EML6: variants seen among roughly 807,000 people sequenced by gnomAD.
EML6 encodes EMAP like 6.
Under a neutral mutation model 240.1 loss-of-function variants are expected in EML6, and 154 were observed. The observed-to-expected ratio is 0.64, with a 90% CI of 0.56 to 0.73. EML6 has a LOEUF of 0.73. Ranked by LOEUF, EML6 falls within the 30% of genes least tolerant of loss-of-function variation. EML6 has a pLI of 0.00. For synonymous variants in EML6, 1,148 were observed against 899.0 expected (o/e 1.28, Z -4.95); for missense variants, 2,964 against 2,474.6 (o/e 1.20, Z -4.20).
At chr2:54,859,439 G>T (rs926512428) in intron 11 of EML6, 95 bp from the exon 12 acceptor site, 4 of 940,436 alleles carry the variant, frequency 4.3e-6, no homozygotes, top group African/African-American at 3.4e-5. Flanking sequence ...TATATTTAAA[G>T]ATTTTACTCT....
chr2:54,850,716 G>C (rs1443460682), intron 10 of EML6, among the ~76,000 whole-genome samples: 2 of 152,196 alleles, frequency 1.3e-5, no homozygotes, highest in Non-Finnish European at 2.9e-5. Context: ...CGAGAAGAGG[G>C]GAAATGGAAA....
At chr2:54,836,283 G>C (rs1375214259) in intron 7 of EML6, among the ~76,000 whole-genome samples, 2 of 152,154 alleles carry the variant, frequency 1.3e-5, no homozygotes, top group Non-Finnish European at 2.9e-5. Context: ...GCCTGGGTGG[G>C]TTTCCTCCCT....
chr2:54,877,749 T>A (rs1268295488), intron 16 of EML6, among the ~76,000 whole-genome samples: 2 of 152,368 alleles, frequency 1.3e-5, no homozygotes, highest in Middle Eastern at 3.4e-3. Flanking sequence ...TTAAGGAAAG[T>A]GTTAACGTCT....
chr2:54,889,735 C>T (rs1304545378), intron 17 of EML6, among the ~76,000 whole-genome samples: 2 of 152,104 alleles, frequency 1.3e-5, no homozygotes, highest in Non-Finnish European at 2.9e-5. Flanking sequence ...AGTTTTAGCT[C>T]TTCCATTCCA....
At chr2:54,832,639 A>C (rs1260715581) in intron 7 of EML6, among the ~76,000 whole-genome samples, 1 of 152,200 alleles carries the variant, frequency 6.6e-6, no homozygotes, top group African/African-American at 2.4e-5. Flanking sequence ...GGTTGTTTCA[A>C]CATTAGCAAA....
chr2:54,789,623 T>C (rs1669317551), intron 2 of EML6, among the ~76,000 whole-genome samples: 1 of 151,756 alleles, frequency 6.6e-6, no homozygotes, highest in African/African-American at 2.4e-5. Context: ...TCCGTACTTG[T>C]ATTGGTTTTC....
At chr2:54,828,346 GCT>G (rs1034812407) in intron 6 of EML6, among the ~76,000 whole-genome samples, 1 of 152,170 alleles carries the variant, frequency 6.6e-6, no homozygotes, top group African/African-American at 2.4e-5. Flanking sequence ...TTACCACTCT[GCT>G]CTCTTTTTTG....
chr2:54,822,970 G>A (rs1352314877), intron 5 of EML6, among the ~76,000 whole-genome samples: 1 of 152,056 alleles, frequency 6.6e-6, no homozygotes, highest in Non-Finnish European at 1.5e-5. Flanking sequence ...TTTTAATCTA[G>A]GAAAACATCA....
chr2:54,909,850 C>CAA (rs34171697), intron 24 of EML6, among the ~76,000 whole-genome samples: 216 of 67,808 alleles, frequency 3.2e-3, no homozygotes, highest in Non-Finnish European at 4.0e-3. Flanking sequence ...GACTCCATCT[C>CAA]AAAAAAAAAA....
intron 17 of EML6, among the ~76,000 whole-genome samples, chr2:54,889,333 C>T (rs1672330733): frequency 6.6e-6 from 1 of 151,936 alleles, no homozygotes; most frequent in Admixed American, 6.6e-5. Context: ...AGATTAAACA[C>T]ACACACACCC....
Position 54,964,021 on chromosome 2 carries a change from C to T in EML6, c.5193C>T (p.Ala1731=). 3 of 1,551,508 alleles carry T rather than the reference C, an allele frequency of 1.9e-6. No individual in the cohort carries two copies. The highest frequency in any genetic ancestry group is 2.6e-6 in the Non-Finnish European group (3 of 1,146,920). The change falls in exon 37 of 42, where the codon GCC becomes GCT. Residue 1731 remains alanine (A), a synonymous_variant. Transcript: ENST00000356458. ...ACAAGGTGAGCTTGGGCCATGCGGC[C>T]AGGTGTGCAGCCTACAGCCCTGATG... ...LLNKVSLGHA[A]RCAAYSPDGE...
chr2:54,935,046 G>T (rs1181260542), intron 28 of EML6, among the ~76,000 whole-genome samples: 1 of 151,960 alleles, frequency 6.6e-6, no homozygotes, highest in Non-Finnish European at 1.5e-5. Flanking sequence ...TATATTATTT[G>T]TCTCTGGAAG....
intron 2 of EML6, among the ~76,000 whole-genome samples, chr2:54,771,099 C>T (rs920830888): frequency 4.6e-5 from 7 of 152,134 alleles, no homozygotes; most frequent in African/African-American, 1.4e-4. Context: ...GTCTTGAGCT[C>T]AGTGGCAGGA....
At chr2:54,931,502 A>G (rs1674863302) in intron 28 of EML6, among the ~76,000 whole-genome samples, 1 of 152,200 alleles carries the variant, frequency 6.6e-6, no homozygotes, top group Admixed American at 6.5e-5. Context: ...AGCAGTGGCC[A>G]GCTTCTCCCT....
chr2:54,789,388 C>T (rs1249019542), intron 2 of EML6, among the ~76,000 whole-genome samples: 5 of 151,258 alleles, frequency 3.3e-5, no homozygotes, highest in African/African-American at 7.3e-5. Context: ...ATGGCGGGCG[C>T]CTGTAGTCCC....
chr2:54,895,364 A>G lies in EML6; in HGVS notation c.2946A>G (p.Glu982=). 1 of 1,552,024 alleles carries G rather than the reference A, an allele frequency of 6.4e-7. No individual in the cohort carries two copies. The highest frequency in any genetic ancestry group is 8.7e-7 in the Non-Finnish European group (1 of 1,146,964). The change falls in exon 21 of 42, where the codon GAA becomes GAG. Residue 982 remains glutamate (E), a synonymous_variant. Transcript: ENST00000356458. The part of the protein sequence containing the change: ...LVGTKNGEIL[E]IDKSGPMTLL... ...GAACAAAAAATGGAGAGATTCTGGA[A>G]ATTGATAAGAGTGGCCCAATGACAC...
rs142511608 is a variant in EML6 at position 54,867,464 on chromosome 2, A to T, written c.2051+580A>T. On this transcript the variant is annotated intron_variant, in intron 14 of 41. Coordinates refer to ENST00000356458, the MANE Select transcript of EML6 (RefSeq NM_001039753.4). Reference sequence around the variant, plus strand: ...CCATAAATGTTTGATTCTCACTATGATCAACTTAAAAAATATGTGAGACCA... The same window carrying T: ...CCATAAATGTTTGATTCTCACTATGTTCAACTTAAAAAATATGTGAGACCA... The T allele has an allele frequency of 3.9e-5, 6 of 152,352 alleles. No individual in the cohort carries two copies. In the East Asian group the frequency reaches 1.2e-3, roughly 29 times the overall value. 9.4% of individuals were successfully genotyped at this position (152,352 alleles called of 1,614,324 possible). A position where few individuals can be genotyped will look rare whatever the true frequency, so the allele number is the denominator to read the frequency against.
chr2:54,780,994 G>C lies in EML6; in HGVS notation c.198-32238G>C, dbSNP rs143514123. Among the ~76,000 whole-genome samples, 255 of 152,282 alleles carry C rather than the reference G, an allele frequency of 1.7e-3. 2 individuals are homozygous for C. The highest frequency in any genetic ancestry group is 5.8e-3 in the African/African-American group (243 of 41,570). On this transcript the variant is annotated intron_variant, in intron 2 of 41. Coordinates refer to ENST00000356458, the MANE Select transcript of EML6 (RefSeq NM_001039753.4). The stretch of plus-strand genomic sequence containing the variant: ...GCATCCTTTATTTGTATGTAAAAAC[G>C]TGAAAGGTAATACTATATGGTTTTC...
Position 54,967,092 on chromosome 2 carries a change from C to G in EML6, c.5586C>G (p.Ala1862=). Residue 1862 remains alanine, a synonymous_variant, in exon 39 of 42, where the codon GCC becomes GCG. Transcript: ENST00000356458. ...EAVVIEKITW[A]SWTSVLGDEV... ...TGGTCATTGAGAAGATCACCTGGGC[C>G]TCCTGGACAAGGTGACTGACTGGAA... The G allele has an allele frequency of 6.4e-7, 1 of 1,550,752 alleles. No individual in the cohort carries two copies. Among genetic ancestry groups the G allele is most frequent in the South Asian group, 1.2e-5 (1 of 84,032 alleles).
Sources: allele counts gnomAD v4.1 joint callset (sites outside exome capture counted in the v4.1 genomes callset), GRCh38; gene constraint gnomAD v4.1.1; transcripts MANE v1.5; gene names NCBI Gene and HGNC (gene_info 2026-07-23, HGNC 2026-07-21).